GPCPD1: variants seen among roughly 807,000 people sequenced by gnomAD.
GPCPD1 encodes the protein glycerophosphocholine phosphodiesterase 1.
GPCPD1 carries 29 observed loss-of-function variants against 89.2 expected under a neutral mutation model. The ratio of observed to expected loss-of-function variants is 0.33; its 90% CI spans 0.24 to 0.44. The LOEUF is 0.44. Among genes scored for constraint, GPCPD1 ranks in the 20% least tolerant of loss-of-function variants. The pLI, the probability that GPCPD1 is intolerant of heterozygous loss-of-function variation, is 1.00. For missense variants in GPCPD1, 594 were observed against 808.9 expected (o/e 0.73, Z 3.22); for synonymous variants, 258 against 266.3 (o/e 0.97, Z 0.30).
intron 15 of GPCPD1, among the ~76,000 whole-genome samples, chr20:5,562,429 C>A (rs1161834176): frequency 1.3e-5 from 2 of 152,044 alleles, no homozygotes; most frequent in Admixed American, 6.6e-5. Context: ...ATTACAGGTG[C>A]CTGCCACCAC....
chr20:5,594,277 T>G (rs1568673714), intron 3 of GPCPD1, among the ~76,000 whole-genome samples: 1 of 152,020 alleles, frequency 6.6e-6, no homozygotes, highest in South Asian at 2.1e-4. Flanking sequence ...ACCTGTATTT[T>G]AACAAGCCTC....
intron 19 of GPCPD1, 114 bp downstream of exon 19, chr20:5,557,831 C>A: frequency 1.6e-6 from 1 of 610,944 alleles, no homozygotes; most frequent in Admixed American, 3.2e-5. Flanking sequence ...GTCAAGATAA[C>A]CTCAGGCTGA....
intron 7 of GPCPD1, 50 bp downstream of exon 7, chr20:5,579,958 C>T (rs760635088): frequency 1.7e-6 from 2 of 1,197,534 alleles, no homozygotes; most frequent in South Asian, 1.4e-5. Flanking sequence ...CTGAAATCTA[C>T]AGCACTAGTG....
intron 2 of GPCPD1, among the ~76,000 whole-genome samples, chr20:5,603,938 G>T (rs1980365796): frequency 6.6e-6 from 1 of 151,810 alleles, no homozygotes; most frequent in Non-Finnish European, 1.5e-5. Flanking sequence ...GTAGAGATGG[G>T]GTTTCACCAT....
At chr20:5,565,888 G>T (rs1986373329) in intron 14 of GPCPD1, among the ~76,000 whole-genome samples, 1 of 151,890 alleles carries the variant, frequency 6.6e-6, no homozygotes. Flanking sequence ...TCCAAAAGTG[G>T]AAAAAATTAA....
At chr20:5,572,208 T>TC in intron 11 of GPCPD1, among the ~76,000 whole-genome samples, 1 of 152,190 alleles carries the variant, frequency 6.6e-6, no homozygotes, top group East Asian at 1.9e-4. Context: ...GACGAAGCCA[T>TC]CACGTTTATA....
intron 8 of GPCPD1, among the ~76,000 whole-genome samples, chr20:5,576,307 C>A (rs1028534393): frequency 2.6e-5 from 4 of 151,262 alleles, no homozygotes; most frequent in African/African-American, 9.7e-5. Flanking sequence ...GTAGTCCCAG[C>A]TACTCGGGAG....
intron 6 of GPCPD1, 62 bp downstream of exon 6, chr20:5,584,219 G>A (rs1978754077): frequency 1.2e-6 from 1 of 812,726 alleles, no homozygotes; most frequent in East Asian, 2.5e-5. Context: ...TAACTCCAGT[G>A]AAATGTAAAG....
chr20:5,574,013 A>C (rs758772836), intron 10 of GPCPD1, 44 bp from the exon 11 acceptor site: 1 of 994,622 alleles, frequency 1.0e-6, no homozygotes, highest in Admixed American at 1.9e-5. Context: ...AGAGAAGATA[A>C]AGAAACAAAT....
intron 15 of GPCPD1, among the ~76,000 whole-genome samples, chr20:5,563,776 C>T (rs1332143780): frequency 6.6e-6 from 1 of 152,176 alleles, no homozygotes; most frequent in Non-Finnish European, 1.5e-5. Flanking sequence ...TACCTTTAAC[C>T]ACTGAGATTT....
intron 8 of GPCPD1, 32 bp from the exon 9 acceptor site, chr20:5,576,010 T>G (rs768830140): frequency 4.4e-6 from 6 of 1,353,740 alleles, no homozygotes; most frequent in Non-Finnish European, 6.2e-6. Context: ...TAATCTTAAT[T>G]TTTAAACTTC....
intron 18 of GPCPD1, among the ~76,000 whole-genome samples, chr20:5,558,464 T>TAA (rs1267958674): frequency 6.6e-6 from 1 of 152,214 alleles, no homozygotes; most frequent in African/African-American, 2.4e-5. Flanking sequence ...TTCAGAAAGT[T>TAA]AAACTAAAAA....
rs1985053994 is a variant in GPCPD1, at chr20:5,546,857, G to T, written c.*804C>A. The stretch of plus-strand genomic sequence containing the variant: ...CTCATACTCACCTAGCACCACAGAT[G>T]CAAGGACCTAACAGTAAACATGTAC... On this transcript the variant is annotated 3_prime_UTR_variant, in exon 20 of 20. Coordinates refer to ENST00000379019, the MANE Select transcript of GPCPD1 (RefSeq NM_019593.5). 6.6e-6 allele frequency: 1 copy of T among 152,444 alleles called. No homozygotes were observed. Among genetic ancestry groups the T allele is most frequent in the African/African-American group, 2.4e-5 (1 of 41,402 alleles). 9.4% of individuals were successfully genotyped at this position (152,444 alleles called of 1,614,324 possible). A position where few individuals can be genotyped will look rare whatever the true frequency, so the allele number is the denominator to read the frequency against.
At chr20:5,609,003 CAAAT>C (rs1980777316) in intron 1 of GPCPD1, among the ~76,000 whole-genome samples, 1 of 152,142 alleles carries the variant, frequency 6.6e-6, no homozygotes, top group Admixed American at 6.5e-5. Context: ...TTCTTTTCCT[CAAAT>C]AAACTTTCCC....
At chr20:5,548,930 A>G (rs1304169489) in intron 19 of GPCPD1, 1 of 1,045,678 alleles carries the variant, frequency 9.6e-7, no homozygotes, top group African/African-American at 1.6e-5. Context: ...CCAGAACACT[A>G]TATTAAACAT....
chr20:5,547,931 T>C (rs1985123416), intron 19 of GPCPD1, 81 bp from the exon 20 acceptor site: 11 of 663,840 alleles, frequency 1.7e-5, no homozygotes, highest in Non-Finnish European at 2.5e-5. Context: ...AACCTTTTCA[T>C]AAGAATTCAT....
At chr20:5,583,381 TA>T (rs36044037) in intron 6 of GPCPD1, among the ~76,000 whole-genome samples, 2 of 149,924 alleles carry the variant, frequency 1.3e-5, no homozygotes, top group South Asian at 2.1e-4. Context: ...TCATCTATAC[TA>T]AAAAAAAATA....
At chr20:5,584,244 A>G (rs1168357167) in intron 6 of GPCPD1, 37 bp downstream of exon 6, 1 of 972,702 alleles carries the variant, frequency 1.0e-6, no homozygotes, top group African/African-American at 1.6e-5. Context: ...AATCTCAATC[A>G]TTTCAGTAAA....
intron 6 of GPCPD1, among the ~76,000 whole-genome samples, chr20:5,583,301 T>C (rs1978687342): frequency 1.3e-5 from 2 of 150,384 alleles, no homozygotes; most frequent in Non-Finnish European, 1.5e-5. Flanking sequence ...CCTAGCACTT[T>C]GGGAGGCTGA....
Sources: allele counts gnomAD v4.1 joint callset (sites outside exome capture counted in the v4.1 genomes callset), GRCh38; gene constraint gnomAD v4.1.1; transcripts MANE v1.5; gene names NCBI Gene and HGNC (gene_info 2026-07-23, HGNC 2026-07-21).